ACBD6: variants seen among roughly 807,000 people sequenced by gnomAD.
ACBD6 encodes acyl-CoA-binding domain-containing protein 6.
A neutral mutation model predicts 37.2 loss-of-function variants in ACBD6; 28 were observed. That is an observed-to-expected ratio of 0.75 (90% CI 0.56 to 1.03). The LOEUF (loss-of-function observed/expected upper bound fraction) is 1.03, where lower values mean the gene tolerates loss of function less well. ACBD6 is among the 50% of genes least tolerant of loss of function. The pLI is 0.00. For synonymous variants in ACBD6, 113 were observed against 126.8 expected (o/e 0.89, Z 0.73); for missense variants, 340 against 337.4 (o/e 1.01, Z -0.06).
intron 6 of ACBD6, among the ~76,000 whole-genome samples, chr1:180,348,831 T>C (rs1191705788): frequency 6.6e-6 from 1 of 152,250 alleles, no homozygotes; most frequent in Non-Finnish European, 1.5e-5. Flanking sequence ...TTTCTACTTA[T>C]TCAACTGCTT....
intron 7 of ACBD6, among the ~76,000 whole-genome samples, chr1:180,305,766 A>G (rs1183482996): frequency 6.6e-6 from 1 of 152,154 alleles, no homozygotes; most frequent in Non-Finnish European, 1.5e-5. Context: ...ATACCCAAAA[A>G]AGTATAAATC....
intron 3 of ACBD6, among the ~76,000 whole-genome samples, chr1:180,453,940 C>CAA (rs1356305888): frequency 6.6e-6 from 1 of 152,150 alleles, no homozygotes; most frequent in Non-Finnish European, 1.5e-5. Context: ...TAGGAAGAAT[C>CAA]AATGTCATGA....
In ACBD6 at chr1:180,483,509, T is replaced by A. The variant is rs542269599; in HGVS notation, c.384+8760A>T. ...TTGTTCTGCTGTGTTCAGTGCTAAA[T>A]CCCCAGCCCCTAGAACTACAACTTG... is the stretch of plus-strand genomic sequence containing the variant. On this transcript the variant is annotated intron_variant, in intron 3 of 7. Coordinates refer to ENST00000367595, the MANE Select transcript of ACBD6 (RefSeq NM_032360.4). Among the ~76,000 whole-genome samples, 69 of 152,174 alleles carry A rather than the reference T, an allele frequency of 4.5e-4. 1 individual carries two copies. Among genetic ancestry groups the A allele is most frequent in the African/African-American group, 1.7e-3 (69 of 41,518 alleles).
intron 6 of ACBD6, among the ~76,000 whole-genome samples, chr1:180,386,530 T>A (rs914986910): frequency 2.6e-5 from 4 of 152,302 alleles, no homozygotes; most frequent in Admixed American, 1.3e-4. Flanking sequence ...ACACTCTTTC[T>A]CCTCTCCTTC....
intron 6 of ACBD6, among the ~76,000 whole-genome samples, chr1:180,381,118 C>T (rs1193776883): frequency 6.6e-6 from 1 of 151,990 alleles, no homozygotes; most frequent in Non-Finnish European, 1.5e-5. Flanking sequence ...TAAAAAGAGA[C>T]AATGAAGGTC....
chr1:180,363,191 G>A (rs1179193001), intron 6 of ACBD6, among the ~76,000 whole-genome samples: 1 of 152,134 alleles, frequency 6.6e-6, no homozygotes, highest in Non-Finnish European at 1.5e-5. Context: ...GCCACAAATT[G>A]GTAATTGCTG....
At chr1:180,489,467 T>C (rs1198488903) in intron 3 of ACBD6, among the ~76,000 whole-genome samples, 1 of 151,332 alleles carries the variant, frequency 6.6e-6, no homozygotes, top group Non-Finnish European at 1.5e-5. Context: ...AATAGTATGT[T>C]ATATATTCTT....
intron 3 of ACBD6, among the ~76,000 whole-genome samples, chr1:180,490,799 AAG>A (rs1377657406): frequency 6.6e-6 from 1 of 150,518 alleles, no homozygotes; most frequent in Non-Finnish European, 1.5e-5. Flanking sequence ...AAAAAAAAAA[AAG>A]AAAAAAAATT....
At position 180,501,322 on chromosome 1, in the gene ACBD6, G is replaced by A. The variant is rs1327961663; in HGVS notation, c.222+723C>T. On this transcript the variant is annotated intron_variant, in intron 1 of 7. Transcript: ENST00000367595. ...AAATCACAATAAAAGTTGTAATACTGCATTTTGCATTGCATCACATTATTA... is the reference window on the plus strand; with the variant it reads ...AAATCACAATAAAAGTTGTAATACTACATTTTGCATTGCATCACATTATTA... 4.1e-5 allele frequency among the ~76,000 whole-genome samples: 6 copies of A among 144,772 alleles called. No individual in the cohort carries two copies. The Admixed American group carries it at 4.3e-4, about 10-fold the overall frequency. The allele number at this position is 144,772 out of a possible 152,430, so 95.0% of individuals were successfully genotyped here.
Position 180,430,281 on chromosome 1 carries a change from A to G in ACBD6, c.385-19T>C. On this transcript the variant is annotated intron_variant, in intron 3 of 7. Coordinates refer to ENST00000367595, the MANE Select transcript of ACBD6 (RefSeq NM_032360.4). Reference sequence around the variant, plus strand: ...CTGGTATCTGTGGGAAGGAGAAAAAAAAGTGAAAAAAAGACAAATGGGTTA... The same window carrying G: ...CTGGTATCTGTGGGAAGGAGAAAAAGAAGTGAAAAAAAGACAAATGGGTTA... 6.3e-7 allele frequency: 1 copy of G among 1,584,260 alleles called. No individual in the cohort carries two copies. The highest frequency in any genetic ancestry group is 8.7e-7 in the Non-Finnish European group (1 of 1,154,338).
intron 6 of ACBD6, among the ~76,000 whole-genome samples, chr1:180,340,841 T>C (rs565909051): frequency 6.6e-6 from 1 of 152,238 alleles, no homozygotes; most frequent in South Asian, 2.1e-4. Flanking sequence ...GGAAGTTCTT[T>C]TTTAATGGCT....
chr1:180,452,133 G>A (rs1222557533), intron 3 of ACBD6, among the ~76,000 whole-genome samples: 1 of 152,128 alleles, frequency 6.6e-6, no homozygotes, highest in Non-Finnish European at 1.5e-5. Context: ...AGCACTAAAT[G>A]CCCACAGGAG....
In ACBD6 at chr1:180,349,023, C is replaced by T. The variant is rs576800819; in HGVS notation, c.664-34301G>A. ...AAATGTTATTCACAGCATTTATAGG[C>T]GAAGGGGCAATTTTTTCCTGAGTTT... On this transcript the variant is annotated intron_variant, in intron 6 of 7. Coordinates refer to ENST00000367595, the MANE Select transcript of ACBD6 (RefSeq NM_032360.4). Among the ~76,000 whole-genome samples, 41 of 151,384 alleles carry T rather than the reference C, an allele frequency of 2.7e-4. No individual in the cohort carries two copies. The South Asian group carries it at 4.2e-3, about 15-fold the overall frequency.
exon 14 of ACBD6, chr1:180,271,600 T>G: frequency 6.3e-7 from 1 of 1,586,940 alleles, no homozygotes; most frequent in Non-Finnish European, 8.6e-7. Context: ...GAAGGTATCC[T>G]GAGTGACATC....
At chr1:180,474,322 T>C (rs1030307531) in intron 3 of ACBD6, among the ~76,000 whole-genome samples, 2 of 152,118 alleles carry the variant, frequency 1.3e-5, no homozygotes, top group Non-Finnish European at 2.9e-5. Context: ...AGCTTAAATA[T>C]AGGTGAAATT....
chr1:180,494,623 G>C (rs1223199876), intron 2 of ACBD6, among the ~76,000 whole-genome samples: 1 of 152,178 alleles, frequency 6.6e-6, no homozygotes, highest in Non-Finnish European at 1.5e-5. Context: ...CAGATTTTAT[G>C]TGGGACTGCT....
At chr1:180,271,271 G>GC in exon 14 of ACBD6, 1 of 1,268,888 alleles carries the variant, frequency 7.9e-7, no homozygotes, top group Non-Finnish European at 1.2e-6. Flanking sequence ...GCGCTGTCCT[G>GC]CCTACAGCAG....
chr1:180,467,308 G>A (rs1424803467), intron 3 of ACBD6, among the ~76,000 whole-genome samples: 3 of 151,394 alleles, frequency 2.0e-5, no homozygotes, highest in Non-Finnish European at 4.4e-5. Context: ...TAATCTTATA[G>A]AAGTATATAA....
chr1:180,457,760 C>T (rs1196266103), intron 3 of ACBD6, among the ~76,000 whole-genome samples: 2 of 150,792 alleles, frequency 1.3e-5, no homozygotes, highest in Non-Finnish European at 2.9e-5. Flanking sequence ...ATGCATTATT[C>T]CAAAAAAGTC....
Sources: allele counts gnomAD v4.1 joint callset (sites outside exome capture counted in the v4.1 genomes callset), GRCh38; gene constraint gnomAD v4.1.1; transcripts MANE v1.5; gene names NCBI Gene and HGNC (gene_info 2026-07-23, HGNC 2026-07-21).